Variants in ATRNL1 observed in about 807,000 individuals in gnomAD.
ATRNL1 encodes attractin like 1.
ATRNL1 carries 95 observed loss-of-function variants against 182.7 expected under a neutral mutation model. The observed-to-expected ratio is 0.52, with a 90% CI of 0.44 to 0.62. ATRNL1 has a LOEUF of 0.62. Among genes scored for constraint, ATRNL1 ranks in the 20% least tolerant of loss-of-function variants. The pLI is 0.00. For missense variants in ATRNL1, 1,471 were observed against 1,679.5 expected (o/e 0.88, Z 2.17); for synonymous variants, 576 against 568.3 (o/e 1.01, Z -0.19).
chr10:115,297,266 A>G (rs782766653), intron 15 of ATRNL1, among the ~76,000 whole-genome samples: 3 of 152,174 alleles, frequency 2.0e-5, no homozygotes, highest in Non-Finnish European at 4.4e-5. Context: ...TATTTTTAGC[A>G]TATGGGACAA....
At chr10:115,507,119 G>T (rs558501916) in intron 24 of ATRNL1, among the ~76,000 whole-genome samples, 24 of 152,174 alleles carry the variant, frequency 1.6e-4, no homozygotes, top group African/African-American at 5.5e-4. Flanking sequence ...CAGGGAGGGG[G>T]CTTCCAGGTT....
intron 28 of ATRNL1, among the ~76,000 whole-genome samples, chr10:115,883,334 A>G (rs1555109063): frequency 6.6e-6 from 1 of 152,224 alleles, no homozygotes; most frequent in East Asian, 1.9e-4. Flanking sequence ...TGTGCATATG[A>G]GTGAATGAGC....
At chr10:115,100,842 G>C (rs1554864428) in intron 1 of ATRNL1, among the ~76,000 whole-genome samples, 1 of 152,132 alleles carries the variant, frequency 6.6e-6, no homozygotes, top group East Asian at 1.9e-4. Context: ...TGAATACCTT[G>C]TCAGTTTTGA....
At chr10:115,481,711 A>C (rs776697043) in intron 24 of ATRNL1, among the ~76,000 whole-genome samples, 3 of 150,806 alleles carry the variant, frequency 2.0e-5, no homozygotes, top group Non-Finnish European at 3.0e-5. Flanking sequence ...TTTATAAACA[A>C]ACATATTTAT....
intron 5 of ATRNL1, among the ~76,000 whole-genome samples, chr10:115,149,542 C>T (rs565531934): frequency 7.9e-5 from 12 of 152,016 alleles, no homozygotes; most frequent in African/African-American, 2.4e-4. Context: ...GAGTTTTTAT[C>T]GTGAAGGGAT....
intron 20 of ATRNL1, among the ~76,000 whole-genome samples, chr10:115,418,216 C>A (rs542425425): frequency 6.6e-6 from 1 of 151,850 alleles, no homozygotes; most frequent in South Asian, 2.1e-4. Flanking sequence ...AATACATGAA[C>A]AAAACTTAAG....
At chr10:115,455,772 T>G (rs1234621437) in intron 21 of ATRNL1, among the ~76,000 whole-genome samples, 1 of 151,868 alleles carries the variant, frequency 6.6e-6, no homozygotes, top group Non-Finnish European at 1.5e-5. Flanking sequence ...CTACAAGGAA[T>G]TTAAACAAAT....
intron 24 of ATRNL1, among the ~76,000 whole-genome samples, chr10:115,475,650 G>A (rs1455303881): frequency 1.3e-5 from 2 of 151,238 alleles, no homozygotes; most frequent in East Asian, 1.9e-4. Flanking sequence ...TAATTATAGG[G>A]TTATCATGAT....
At chr10:115,716,999 G>A (rs546385848) in intron 26 of ATRNL1, among the ~76,000 whole-genome samples, 2 of 152,260 alleles carry the variant, frequency 1.3e-5, no homozygotes, top group African/African-American at 4.8e-5. Flanking sequence ...GGAGTAATAT[G>A]TATTAAAATC....
intron 19 of ATRNL1, among the ~76,000 whole-genome samples, chr10:115,352,798 G>C (rs1554941790): frequency 6.6e-6 from 1 of 152,140 alleles, no homozygotes; most frequent in Non-Finnish European, 1.5e-5. Context: ...TACTCGGGAG[G>C]CTGAGGCAGG....
At chr10:115,484,045 T>C (rs1554974720) in intron 24 of ATRNL1, among the ~76,000 whole-genome samples, 1 of 151,498 alleles carries the variant, frequency 6.6e-6, no homozygotes, top group Non-Finnish European at 1.5e-5. Flanking sequence ...AAAAGCAGAG[T>C]GCCTTATACT....
intron 27 of ATRNL1, among the ~76,000 whole-genome samples, chr10:115,838,394 G>A (rs1351398742): frequency 6.6e-6 from 1 of 152,164 alleles, no homozygotes; most frequent in Non-Finnish European, 1.5e-5. Context: ...CACACTGACA[G>A]CAACAGGGAA....
At chr10:115,215,993 C>A in intron 9 of ATRNL1, 113 bp downstream of exon 9, 1 of 727,318 alleles carries the variant, frequency 1.4e-6, no homozygotes, top group Non-Finnish European at 2.0e-6. Context: ...ATTGTAAATG[C>A]TGATATCGTC....
chr10:115,580,276 C>T (rs1056797545), intron 26 of ATRNL1, among the ~76,000 whole-genome samples: 1 of 152,096 alleles, frequency 6.6e-6, no homozygotes, highest in Non-Finnish European at 1.5e-5. Context: ...CAGCATTTCT[C>T]ATAAGAAATG....
chr10:115,230,943 T>TGAAGC (rs1345887743), intron 9 of ATRNL1, among the ~76,000 whole-genome samples: 7 of 132,796 alleles, frequency 5.3e-5, no homozygotes, highest in Non-Finnish European at 9.9e-5. Context: ...TAGTGAAAGA[T>TGAAGC]GAAGCAGGCA....
chr10:115,298,018 G>T (rs1554923262), intron 15 of ATRNL1, among the ~76,000 whole-genome samples: 1 of 152,080 alleles, frequency 6.6e-6, no homozygotes. Context: ...GGAATGTGAT[G>T]CTAACTAGCA....
chr10:115,093,849 C>A lies in ATRNL1; in HGVS notation c.99C>A (p.Ser33=), dbSNP rs782370473. ...RPAGGGGGGA[S]SWLLDGNSWL... is the part of the protein sequence containing the mutation. ...CGGGCGGCGGCGGCGGGGGCGCCTC[C>A]TCCTGGCTGCTGGACGGGAACAGCT... is the stretch of plus-strand genomic sequence containing the variant. The change falls in exon 1 of 29, where the codon TCC becomes TCA. Residue 33 remains serine, a synonymous_variant. Coordinates refer to ENST00000355044, the MANE Select transcript of ATRNL1 (RefSeq NM_207303.4). This position sits in a 1 kb window ranked among gnomAD's most constrained non-coding sequence, Gnocchi z 6.1. The A allele has an allele frequency of 1.3e-6, 2 of 1,549,518 alleles. No individual in the cohort carries two copies. Among genetic ancestry groups the A allele is most frequent in the South Asian group, 2.4e-5 (2 of 83,510 alleles).
At chr10:115,768,660 A>G (rs1948917068) in intron 27 of ATRNL1, among the ~76,000 whole-genome samples, 1 of 152,102 alleles carries the variant, frequency 6.6e-6, no homozygotes, top group South Asian at 2.1e-4. Flanking sequence ...ACTTTACCTG[A>G]CATTGCCAAG....
At chr10:115,564,050 T>TA (rs1423238922) in intron 26 of ATRNL1, among the ~76,000 whole-genome samples, 3 of 152,084 alleles carry the variant, frequency 2.0e-5, no homozygotes, top group Admixed American at 6.6e-5. Flanking sequence ...ATCTATAAAT[T>TA]ACAGGGTATT....
Sources: allele counts gnomAD v4.1 joint callset (sites outside exome capture counted in the v4.1 genomes callset), GRCh38; gene constraint gnomAD v4.1.1; non-coding constraint Gnocchi (gnomAD v3.1); transcripts MANE v1.5; gene names NCBI Gene and HGNC (gene_info 2026-07-23, HGNC 2026-07-21).